Variants in PLD5 observed in about 807,000 individuals in gnomAD.
The protein encoded by PLD5 is phospholipase D family member 5, also known as inactive phospholipase D5.
Under a neutral mutation model 61.1 loss-of-function variants are expected in PLD5, and 36 were observed. The observed-to-expected ratio is 0.59, with a 90% CI of 0.45 to 0.78. The LOEUF (loss-of-function observed/expected upper bound fraction) is 0.78, where lower values mean the gene tolerates loss of function less well. Ranked by LOEUF, PLD5 falls within the 30% of genes least tolerant of loss-of-function variation. The pLI is 0.00. For missense variants in PLD5, 515 were observed against 644.4 expected (o/e 0.80, Z 2.17); for synonymous variants, 243 against 242.8 (o/e 1.00, Z -0.01).
chr1:242,398,774 A>C (rs1663750771), intron 1 of PLD5, among the ~76,000 whole-genome samples: 1 of 152,234 alleles, frequency 6.6e-6, no homozygotes, highest in Admixed American at 6.5e-5. Context: ...GCGAACTTCC[A>C]GCGTTGCAAA....
chr1:242,395,967 G>C, intron 1 of PLD5, among the ~76,000 whole-genome samples: 1 of 152,146 alleles, frequency 6.6e-6, no homozygotes, highest in African/African-American at 2.4e-5. Flanking sequence ...AGAACCGCTT[G>C]AACCCCATAG....
rs1445072641 is a variant in PLD5, at chr1:242,220,180, T to C, written c.608-65A>G. 22 of 1,571,596 alleles carry C rather than the reference T, an allele frequency of 1.4e-5. No homozygotes were observed. The Admixed American group carries it at 3.2e-4, about 23-fold the overall frequency. Reference sequence around the variant, plus strand: ...GGCCCTGCCTGGGCTGTCAGTCACCTACCAGTGGAAATATTCATGGTTCAC... The same window carrying C: ...GGCCCTGCCTGGGCTGTCAGTCACCCACCAGTGGAAATATTCATGGTTCAC... On this transcript the variant is annotated intron_variant, in intron 4 of 9. Transcript: ENST00000536534.
At position 242,089,276 on chromosome 1, in the gene PLD5, G is replaced by T. The variant is rs1027245512; in HGVS notation, c.*578C>A. ...GGAACATTTTGTGAGAAGAGAAAAT[G>T]ATACCAAATAAAACTTATGGTATAA... On this transcript the variant is annotated 3_prime_UTR_variant, in exon 10 of 10. Transcript: ENST00000536534. 2.5e-6 allele frequency: 1 copy of T among 398,894 alleles called. No homozygotes were observed. The highest frequency in any genetic ancestry group is 4.4e-6 in the Non-Finnish European group (1 of 226,436). The allele number at this position is 398,894 out of a possible 1,614,324, so 24.7% of individuals were successfully genotyped here. A position where few individuals can be genotyped will look rare whatever the true frequency, so the allele number is the denominator to read the frequency against.
At chr1:242,090,137 G>C in intron 9 of PLD5, 27 bp from the exon 10 acceptor site, 2 of 1,612,022 alleles carry the variant, frequency 1.2e-6, no homozygotes, top group Non-Finnish European at 1.7e-6. Context: ...AAATAATGTT[G>C]AGGAGTTAGA....
intron 2 of PLD5, among the ~76,000 whole-genome samples, chr1:242,305,107 AAAAAT>A (rs201840040): frequency 0.022 from 3,401 of 152,288 alleles, 136 homozygotes; most frequent in African/African-American, 0.078. Context: ...CCCTTTCTCA[AAAAAT>A]AAAATAAAAT....
chr1:242,173,916 T>C (rs1050900113), intron 5 of PLD5, among the ~76,000 whole-genome samples: 2 of 152,194 alleles, frequency 1.3e-5, no homozygotes, highest in Non-Finnish European at 2.9e-5. Context: ...ATTAAAGACT[T>C]AAATGTTAGA....
rs185677016 is a variant in PLD5 at position 242,258,245 on chromosome 1, G to C, written c.607+7092C>G. Among the ~76,000 whole-genome samples the C allele has an allele frequency of 2.6e-5, 4 of 152,206 alleles. No homozygotes were observed. In the East Asian group the frequency reaches 5.8e-4, roughly 22 times the overall value. On this transcript the variant is annotated intron_variant, in intron 4 of 9. Coordinates refer to ENST00000536534, the MANE Select transcript of PLD5 (RefSeq NM_001372062.1). The stretch of plus-strand genomic sequence containing the variant: ...TCTAGCCATCAAGGGGGTCTGTAAA[G>C]ACCCCCACATTTCTTAAAAACCAGC...
chr1:242,400,258 AC>A (rs961295251), intron 1 of PLD5, among the ~76,000 whole-genome samples: 3 of 29,826 alleles, frequency 1.0e-4, no homozygotes, highest in African/African-American at 3.6e-4. Context: ...CTTCCCACCC[AC>A]CCCCACCCCC....
At chr1:242,194,566 A>ATATCTATC (rs201221980) in intron 5 of PLD5, among the ~76,000 whole-genome samples, 20,171 of 123,432 alleles carry the variant, frequency 0.16, 2,249 homozygotes, top group Non-Finnish European at 0.2. Context: ...AGCTATCTCT[A>ATATCTATC]TATCTATCTA....
At chr1:242,323,677 A>T (rs536699304) in intron 2 of PLD5, among the ~76,000 whole-genome samples, 1 of 152,350 alleles carries the variant, frequency 6.6e-6, no homozygotes, top group African/African-American at 2.4e-5. Context: ...TTCTGCACAC[A>T]AGCCTGTAAT....
chr1:242,442,591 C>G (rs931580572), intron 1 of PLD5, among the ~76,000 whole-genome samples: 2 of 152,122 alleles, frequency 1.3e-5, no homozygotes, highest in Non-Finnish European at 1.5e-5. Flanking sequence ...GAGCGGGGTG[C>G]TAATTACAAG....
At chr1:242,330,327 G>T (rs1180115953) in intron 2 of PLD5, among the ~76,000 whole-genome samples, 1 of 152,154 alleles carries the variant, frequency 6.6e-6, no homozygotes, top group East Asian at 1.9e-4. Context: ...TCTTGTTTGT[G>T]TCTCCTATCC....
intron 1 of PLD5, among the ~76,000 whole-genome samples, chr1:242,494,082 T>G (rs1441968752): frequency 1.6e-5 from 1 of 61,876 alleles, no homozygotes; most frequent in Middle Eastern, 0.011. Context: ...TCCCCTCCCC[T>G]GCCCTCCCTT....
At chr1:242,343,225 TAC>T (rs1659941525) in intron 2 of PLD5, among the ~76,000 whole-genome samples, 1 of 151,790 alleles carries the variant, frequency 6.6e-6, no homozygotes, top group African/African-American at 2.4e-5. Flanking sequence ...TGAGGAGCGC[TAC>T]ACACACAGAG....
At chr1:242,467,315 G>A (rs564005038) in intron 1 of PLD5, among the ~76,000 whole-genome samples, 5 of 152,116 alleles carry the variant, frequency 3.3e-5, no homozygotes, top group Admixed American at 3.3e-4. Flanking sequence ...AAATGGTAAT[G>A]TATATTCAGT....
chr1:242,234,126 T>A (rs1671485653), intron 4 of PLD5, among the ~76,000 whole-genome samples: 1 of 152,126 alleles, frequency 6.6e-6, no homozygotes, highest in South Asian at 2.1e-4. Flanking sequence ...TTATTCTTCT[T>A]CCAGAAAAAA....
At chr1:242,268,354 T>G (rs1673838510) in intron 3 of PLD5, among the ~76,000 whole-genome samples, 1 of 152,154 alleles carries the variant, frequency 6.6e-6, no homozygotes, top group African/African-American at 2.4e-5. Flanking sequence ...TTTTGGCAAA[T>G]TCATTTATTT....
intron 3 of PLD5, among the ~76,000 whole-genome samples, chr1:242,287,552 G>A (rs986864811): frequency 1.7e-4 from 26 of 151,950 alleles, no homozygotes; most frequent in African/African-American, 6.3e-4. Flanking sequence ...AGCTTTCAAA[G>A]TACCAATGAG....
At chr1:242,120,473 G>A (rs2148722211) in intron 6 of PLD5, among the ~76,000 whole-genome samples, 1 of 152,086 alleles carries the variant, frequency 6.6e-6, no homozygotes, top group East Asian at 1.9e-4. Context: ...ACTTTAAAAG[G>A]GTAAATTTTA....
Sources: allele counts gnomAD v4.1 joint callset (sites outside exome capture counted in the v4.1 genomes callset), GRCh38; gene constraint gnomAD v4.1.1; transcripts MANE v1.5; gene names NCBI Gene and HGNC (gene_info 2026-07-23, HGNC 2026-07-21).